GRK5: variants seen among roughly 807,000 people sequenced by gnomAD.
GRK5 encodes the protein g protein-coupled receptor kinase GRK5.
GRK5 carries 40 observed loss-of-function variants against 78.4 expected under a neutral mutation model. The observed-to-expected ratio is 0.51, with a 90% CI of 0.40 to 0.66. The LOEUF (loss-of-function observed/expected upper bound fraction) is 0.66. Ranked by LOEUF, GRK5 falls within the 30% of genes least tolerant of loss-of-function variation. The pLI is 0.00. For synonymous variants in GRK5, 289 were observed against 296.8 expected (o/e 0.97, Z 0.27); for missense variants, 598 against 759.9 (o/e 0.79, Z 2.50).
At chr10:119,239,100 C>T (rs529729645) in intron 1 of GRK5, among the ~76,000 whole-genome samples, 1 of 152,156 alleles carries the variant, frequency 6.6e-6, no homozygotes, top group South Asian at 2.1e-4. Context: ...TTTTAAAAGT[C>T]AAGTCGGGTA....
At chr10:119,293,154 C>T (rs1273220173) in intron 1 of GRK5, among the ~76,000 whole-genome samples, 1 of 152,210 alleles carries the variant, frequency 6.6e-6, no homozygotes, top group Non-Finnish European at 1.5e-5. Context: ...AAGTGGCTTA[C>T]TCTCTTTGAA....
In GRK5 at chr10:119,455,080, C is replaced by A. The variant is rs753824269; in HGVS notation, c.*13C>A. The A allele has an allele frequency of 6.3e-7, 1 of 1,591,966 alleles. No individual in the cohort carries two copies. Among genetic ancestry groups the A allele is most frequent in the Non-Finnish European group, 8.6e-7 (1 of 1,159,880 alleles). Reference sequence around the variant, plus strand: ...CGGAAGCAGCTAGTTTCGGCTCTGGCCTCCAAGTCCACAGTGGAACCAGCC... The same window carrying A: ...CGGAAGCAGCTAGTTTCGGCTCTGGACTCCAAGTCCACAGTGGAACCAGCC... On this transcript the variant is annotated 3_prime_UTR_variant, in exon 16 of 16. Coordinates refer to ENST00000392870, the MANE Select transcript of GRK5 (RefSeq NM_005308.3).
chr10:119,258,915 C>A (rs58592352), intron 1 of GRK5, among the ~76,000 whole-genome samples: 2 of 152,204 alleles, frequency 1.3e-5, no homozygotes, highest in African/African-American at 4.8e-5. Context: ...CTGCCCCCTT[C>A]TCAGGAGAGC....
intron 2 of GRK5, among the ~76,000 whole-genome samples, chr10:119,354,154 T>G (rs944289135): frequency 7.2e-5 from 11 of 151,952 alleles, no homozygotes; most frequent in African/African-American, 2.4e-4. Flanking sequence ...CATGATGTTT[T>G]GCTATATATG....
At chr10:119,303,147 A>G (rs973665638) in intron 1 of GRK5, among the ~76,000 whole-genome samples, 1 of 152,210 alleles carries the variant, frequency 6.6e-6, no homozygotes, top group African/African-American at 2.4e-5. Flanking sequence ...TGACCAGGGC[A>G]TATGCAGAGT....
chr10:119,241,408 A>C (rs902909993), intron 1 of GRK5, among the ~76,000 whole-genome samples: 2 of 152,212 alleles, frequency 1.3e-5, no homozygotes, highest in Non-Finnish European at 2.9e-5. Flanking sequence ...TGACAGGTTC[A>C]ATAAGACTTT....
chr10:119,232,371 A>G (rs577156057), intron 1 of GRK5, among the ~76,000 whole-genome samples: 1 of 152,354 alleles, frequency 6.6e-6, no homozygotes, highest in East Asian at 1.9e-4. Context: ...TTAACAACAC[A>G]AAATTATAGC....
chr10:119,279,628 T>G (rs1255523729), intron 1 of GRK5, among the ~76,000 whole-genome samples: 1 of 152,004 alleles, frequency 6.6e-6, no homozygotes, highest in East Asian at 1.9e-4. Flanking sequence ...TCTCAAGGAG[T>G]GAGTGGCGGT....
chr10:119,452,941 C>A lies in GRK5; in HGVS notation c.1542+133C>A. On this transcript the variant is annotated intron_variant, in intron 14 of 15. Transcript: ENST00000392870. The surrounding 1 kb of genome is among the most constrained non-coding windows in gnomAD (Gnocchi z 4.4). The stretch of plus-strand genomic sequence containing the variant: ...TTCTGTTTTCTCCATGAAGGCAGCA[C>A]ACAAAAGCTGTCAGTGGCCAAGTAG... The A allele has an allele frequency of 1.7e-6, 2 of 1,167,156 alleles. No individual in the cohort carries two copies. The highest frequency in any genetic ancestry group is 2.5e-6 in the Non-Finnish European group (2 of 805,596). 72.3% of individuals were successfully genotyped at this position (1,167,156 alleles called of 1,614,324 possible).
rs144934314 is a variant in GRK5, at chr10:119,249,424, T to C, written c.52+41455T>C. Among the ~76,000 whole-genome samples the C allele has an allele frequency of 2.0e-5, 3 of 152,306 alleles. No homozygotes were observed. The East Asian group carries it at 5.8e-4, about 29-fold the overall frequency. On this transcript the variant is annotated intron_variant, in intron 1 of 15. Coordinates refer to ENST00000392870, the MANE Select transcript of GRK5 (RefSeq NM_005308.3). ...ACTTAGTACATATATCAAATAAATA[T>C]TATGTGACACACCAGGTATATCATG...
chr10:119,369,212 C>T (rs1391359998), intron 2 of GRK5, among the ~76,000 whole-genome samples: 3 of 152,126 alleles, frequency 2.0e-5, no homozygotes, highest in African/African-American at 7.2e-5. Flanking sequence ...CTTTCTAAAA[C>T]TGCATGTATC....
chr10:119,452,459 G>A lies in GRK5; in HGVS notation c.1405-212G>A. Reference sequence around the variant, plus strand: ...AAAAAACCACAGGCCATCATCTGAGGTGGACAGGAAGCCCAGCCAAGCCAC... The same window carrying A: ...AAAAAACCACAGGCCATCATCTGAGATGGACAGGAAGCCCAGCCAAGCCAC... On this transcript the variant is annotated intron_variant, in intron 13 of 15. Coordinates refer to ENST00000392870, the MANE Select transcript of GRK5 (RefSeq NM_005308.3). This position sits in a 1 kb window ranked among gnomAD's most constrained non-coding sequence, Gnocchi z 4.4. 5.4e-6 allele frequency: 3 copies of A among 559,736 alleles called. No individual in the cohort carries two copies. Among genetic ancestry groups the A allele is most frequent in the Non-Finnish European group, 9.5e-6 (3 of 314,968 alleles). 34.7% of individuals were successfully genotyped at this position (559,736 alleles called of 1,614,324 possible).
At chr10:119,367,662 G>A (rs1418401772) in intron 2 of GRK5, among the ~76,000 whole-genome samples, 1 of 152,248 alleles carries the variant, frequency 6.6e-6, no homozygotes, top group South Asian at 2.1e-4. Flanking sequence ...GACAGGCTTG[G>A]TCTCAAAATG....
rs566394661 is a variant in GRK5 at position 119,336,370 on chromosome 10, C to T, written c.148+9759C>T. 3.3e-4 allele frequency among the ~76,000 whole-genome samples: 50 copies of T among 152,222 alleles called. No homozygotes were observed. The highest frequency in any genetic ancestry group is 1.2e-3 in the Admixed American group (18 of 15,296). On this transcript the variant is annotated intron_variant, in intron 2 of 15. Coordinates refer to ENST00000392870, the MANE Select transcript of GRK5 (RefSeq NM_005308.3). This position sits in a 1 kb window ranked among gnomAD's most constrained non-coding sequence, Gnocchi z 4.5. Reference sequence around the variant, plus strand: ...TGTGTCATCTAGAAGCCTGCAGCCCCGAGTCCTAACAATGGTTACCCCCAG... The same window carrying T: ...TGTGTCATCTAGAAGCCTGCAGCCCTGAGTCCTAACAATGGTTACCCCCAG...
chr10:119,307,316 G>A (rs1285968909), intron 1 of GRK5, among the ~76,000 whole-genome samples: 4 of 152,020 alleles, frequency 2.6e-5, no homozygotes, highest in African/African-American at 9.7e-5. Context: ...TAAAGATGTC[G>A]TATCCGAATC....
intron 3 of GRK5, 100 bp from the exon 4 acceptor site, chr10:119,396,595 G>A: frequency 2.1e-6 from 2 of 961,842 alleles, no homozygotes; most frequent in South Asian, 2.9e-5. Flanking sequence ...GGTTGGTCAG[G>A]TGGCCTCTAG....
intron 3 of GRK5, among the ~76,000 whole-genome samples, chr10:119,382,514 A>G (rs1378182084): frequency 6.6e-6 from 1 of 152,152 alleles, no homozygotes; most frequent in African/African-American, 2.4e-5. Context: ...TGAACCCACA[A>G]TTATGAACTC....
chr10:119,362,786 A>C (rs1851387149), intron 2 of GRK5, among the ~76,000 whole-genome samples: 1 of 152,188 alleles, frequency 6.6e-6, no homozygotes, highest in Non-Finnish European at 1.5e-5. Context: ...AGGTGGGTAC[A>C]TTGTGTTTGA....
intron 2 of GRK5, among the ~76,000 whole-genome samples, chr10:119,377,606 G>A (rs1229076763): frequency 2.0e-5 from 3 of 152,098 alleles, no homozygotes; most frequent in Non-Finnish European, 4.4e-5. Flanking sequence ...GGAGAGGCTC[G>A]GAACTGAGGT....
Sources: allele counts gnomAD v4.1 joint callset (sites outside exome capture counted in the v4.1 genomes callset), GRCh38; gene constraint gnomAD v4.1.1; non-coding constraint Gnocchi (gnomAD v3.1); transcripts MANE v1.5; gene names NCBI Gene and HGNC (gene_info 2026-07-23, HGNC 2026-07-21).